The following LOXL2 variants were observed in gnomAD, a reference collection of about 807,000 sequenced individuals.
The protein encoded by LOXL2 is lysyl oxidase like 2.
LOXL2 carries 70 observed loss-of-function variants against 93.0 expected under a neutral mutation model. That is an observed-to-expected ratio of 0.75 (90% confidence interval 0.62 to 0.92). The LOEUF (loss-of-function observed/expected upper bound fraction) is 0.92. LOXL2 is among the 40% of genes least tolerant of loss of function. LOXL2 has a pLI of 0.00. For missense variants in LOXL2, 973 were observed against 1,054.9 expected (o/e 0.92, Z 1.08); for synonymous variants, 438 against 413.2 (o/e 1.06, Z -0.73).
chr8:23,330,197 G>C (rs530314694), intron 5 of LOXL2, among the ~76,000 whole-genome samples: 1 of 152,172 alleles, frequency 6.6e-6, no homozygotes, highest in Non-Finnish European at 1.5e-5. Flanking sequence ...AGCCAGGTGC[G>C]GTGGCGGGTG....
chr8:23,313,871 G>C (rs1029128229), intron 9 of LOXL2, among the ~76,000 whole-genome samples: 1 of 151,008 alleles, frequency 6.6e-6, no homozygotes, highest in African/African-American at 2.4e-5. Context: ...CCTACAAAAT[G>C]GGAGAAAATT....
chr8:23,303,462 C>G, intron 10 of LOXL2, 65 bp from the exon 11 acceptor site: 2 of 953,776 alleles, frequency 2.1e-6, no homozygotes. Context: ...CAAGCAGAGG[C>G]CTGGCTGGCG....
chr8:23,385,943 A>AC (rs1804753689), intron 1 of LOXL2: 1 of 765,338 alleles, frequency 1.3e-6, no homozygotes, highest in Non-Finnish European at 2.4e-6. Context: ...TCCAAGCAGC[A>AC]CATTGCAAGT....
At chr8:23,324,233 A>C (rs1803543425) in intron 6 of LOXL2, among the ~76,000 whole-genome samples, 1 of 152,130 alleles carries the variant, frequency 6.6e-6, no homozygotes, top group Admixed American at 6.5e-5. Flanking sequence ...TTCTGTGTAA[A>C]CTTGCGTGGC....
chr8:23,364,868 G>A (rs1377075860), intron 2 of LOXL2: 2 of 152,214 alleles, frequency 1.3e-5, no homozygotes, highest in Non-Finnish European at 2.9e-5. Flanking sequence ...AAAAATCTGT[G>A]GGGTTACAAC....
At chr8:23,350,092 T>C (rs1251645524) in intron 3 of LOXL2, among the ~76,000 whole-genome samples, 1 of 152,054 alleles carries the variant, frequency 6.6e-6, no homozygotes, top group Non-Finnish European at 1.5e-5. Flanking sequence ...CCTCTCCCCT[T>C]TTCCCTTGAG....
chr8:23,387,322 A>T (rs1804779900), intron 1 of LOXL2, among the ~76,000 whole-genome samples: 1 of 152,196 alleles, frequency 6.6e-6, no homozygotes, highest in Admixed American at 6.5e-5. Flanking sequence ...TATCAGAGAG[A>T]GATCAGGAAA....
At chr8:23,376,761 T>G (rs1485842814) in intron 1 of LOXL2, among the ~76,000 whole-genome samples, 1 of 152,244 alleles carries the variant, frequency 6.6e-6, no homozygotes, top group Non-Finnish European at 1.5e-5. Flanking sequence ...TGGTTGTTTG[T>G]ATTTCTGTGG....
chr8:23,318,369 T>A (rs930808626), intron 8 of LOXL2, among the ~76,000 whole-genome samples: 2 of 151,828 alleles, frequency 1.3e-5, no homozygotes, highest in African/African-American at 4.8e-5. Flanking sequence ...GCTGTGTGTG[T>A]GAGAGATATA....
chr8:23,301,182 C>A (rs1803124912), intron 12 of LOXL2, among the ~76,000 whole-genome samples: 1 of 152,218 alleles, frequency 6.6e-6, no homozygotes, highest in Non-Finnish European at 1.5e-5. Flanking sequence ...ACTTTGCTAG[C>A]CAACAGGGCA....
At chr8:23,358,330 G>A (rs917814348) in intron 3 of LOXL2, among the ~76,000 whole-genome samples, 2 of 152,232 alleles carry the variant, frequency 1.3e-5, no homozygotes, top group Non-Finnish European at 2.9e-5. Context: ...ATACAGCAGG[G>A]TTGGGCAAAT....
At chr8:23,314,754 T>G (rs1184381857) in intron 9 of LOXL2, among the ~76,000 whole-genome samples, 1 of 151,356 alleles carries the variant, frequency 6.6e-6, no homozygotes, top group Non-Finnish European at 1.5e-5. Flanking sequence ...GTAAATAACC[T>G]GCACATTGTG....
intron 3 of LOXL2, among the ~76,000 whole-genome samples, chr8:23,343,957 T>G (rs1803926740): frequency 6.6e-6 from 1 of 152,204 alleles, no homozygotes; most frequent in Non-Finnish European, 1.5e-5. Flanking sequence ...AAGACTGCAC[T>G]TCACAGGGCA....
In LOXL2 at chr8:23,301,832, C is replaced by T. The variant is rs957517514; in HGVS notation, c.2133+195G>A. Among the ~76,000 whole-genome samples, 9 of 152,218 alleles carry T rather than the reference C, an allele frequency of 5.9e-5. No individual in the cohort carries two copies. In the East Asian group the frequency reaches 7.7e-4, roughly 13 times the overall value. Reference sequence around the variant, plus strand: ...CCTGTGGTGTCTCTGGTCCTGTGCACGCCCTATTTCTCAGGCCCCCATGCC... The same window carrying T: ...CCTGTGGTGTCTCTGGTCCTGTGCATGCCCTATTTCTCAGGCCCCCATGCC... On this transcript the variant is annotated intron_variant, in intron 12 of 13. Transcript: ENST00000389131.
Position 23,322,214 on chromosome 8 carries a change from C to G in LOXL2, c.1218G>C (p.Lys406Asn). ...TGCAGCCCTGAGACTCGGCATTGAA[C>G]TTGCAGTCTATAATGGACTTCTCAT... Reference protein sequence around the residue: ...TGNEKSIIDCKFNAESQGCNH... With the variant: ...TGNEKSIIDCNFNAESQGCNH... Residue 406 changes from lysine to asparagine, a missense_variant, in exon 7 of 14, where the codon AAG becomes AAC. Transcript: ENST00000389131. The G allele has an allele frequency of 6.2e-7, 1 of 1,614,222 alleles. No homozygotes were observed. Among genetic ancestry groups the G allele is most frequent in the Admixed American group, 1.7e-5 (1 of 60,034 alleles).
At chr8:23,357,096 C>G (rs1804213795) in intron 3 of LOXL2, among the ~76,000 whole-genome samples, 1 of 151,098 alleles carries the variant, frequency 6.6e-6, no homozygotes, top group Non-Finnish European at 1.5e-5. Flanking sequence ...TAGACGGAGT[C>G]TCGCTGTTGT....
chr8:23,379,472 G>A (rs1439185734), intron 1 of LOXL2, among the ~76,000 whole-genome samples: 1 of 152,230 alleles, frequency 6.6e-6, no homozygotes, highest in African/African-American at 2.4e-5. Context: ...CTGTCAGACA[G>A]GGACATTTAT....
chr8:23,330,538 G>A lies in LOXL2; in HGVS notation c.967-1973C>T, dbSNP rs118132806. ...ATGGAGGCAGAGGTCAAATAACCTC[G>A]CCCCAGCCCAGCTATGGCCAAGCAG... On this transcript the variant is annotated intron_variant, in intron 5 of 13. Transcript: ENST00000389131. Among the ~76,000 whole-genome samples, 1,293 of 152,166 alleles carry A rather than the reference G, an allele frequency of 8.5e-3. 83 individuals are homozygous for A. The East Asian group carries it at 0.16, about 19-fold the overall frequency.
intron 11 of LOXL2, 50 bp from the exon 12 acceptor site, chr8:23,302,213 T>A (rs1409627356): frequency 3.7e-6 from 6 of 1,605,030 alleles, no homozygotes; most frequent in Non-Finnish European, 5.1e-6. Flanking sequence ...ATGGCCCCAC[T>A]GCCGCACCCT....
Sources: gnomAD v4.1 joint callset for allele counts (sites outside exome capture counted in the v4.1 genomes callset) on GRCh38, gnomAD v4.1.1 for gene constraint, MANE v1.5 for transcripts, NCBI Gene and HGNC (gene_info 2026-07-23, HGNC 2026-07-21) for gene names.